The following CELF2 variants were observed in gnomAD, a reference collection of about 807,000 sequenced individuals.
CELF2 encodes the protein CUGBP Elav-like family member 2.
Under a neutral mutation model 62.6 loss-of-function variants are expected in CELF2, and 8 were observed. The observed-to-expected ratio is 0.13, with a 90% confidence interval of 0.07 to 0.23. The LOEUF is 0.23. CELF2 is among the 10% of genes least tolerant of loss of function. The probability of loss-of-function intolerance (pLI) is 1.00; values close to 1 mark genes in which losing one functional copy is unlikely to be tolerated. For synonymous variants in CELF2, 258 were observed against 250.0 expected (o/e 1.03, Z -0.30); for missense variants, 333 against 671.0 (o/e 0.50, Z 5.56).
intron 2 of CELF2, among the ~76,000 whole-genome samples, chr10:11,182,717 C>T (rs1362218865): frequency 6.6e-6 from 1 of 152,180 alleles, no homozygotes; most frequent in Non-Finnish European, 1.5e-5. Flanking sequence ...AGACATTCTG[C>T]CAGCATACAG....
intron 9 of CELF2, among the ~76,000 whole-genome samples, chr10:11,301,517 A>AC (rs1366545495): frequency 3.1e-5 from 2 of 64,818 alleles, no homozygotes; most frequent in Non-Finnish European, 5.7e-5. Flanking sequence ...CTCCCACAGC[A>AC]CCCCCCACCC....
chr10:10,967,935 C>T (rs1336202897), intron 2 of CELF2, among the ~76,000 whole-genome samples: 1 of 152,080 alleles, frequency 6.6e-6, no homozygotes, highest in African/African-American at 2.4e-5. Context: ...CACACACACA[C>T]ACACCCCATT....
chr10:11,054,220 T>A (rs1446630978), intron 1 of CELF2, among the ~76,000 whole-genome samples: 2 of 152,206 alleles, frequency 1.3e-5, no homozygotes, highest in East Asian at 3.8e-4. Context: ...GTTTGTATAG[T>A]GGTAATTACA....
At chr10:10,607,914 G>T in the CELF2 span, among the ~76,000 whole-genome samples, 2 of 151,990 alleles carry the variant, frequency 1.3e-5, no homozygotes, top group African/African-American at 2.4e-5. Flanking sequence ...ATCACCTGAG[G>T]TCAGGAGTTT....
chr10:10,906,089 A>G (rs1444309934), intron 1 of CELF2, among the ~76,000 whole-genome samples: 1 of 151,986 alleles, frequency 6.6e-6, no homozygotes, highest in East Asian at 1.9e-4. Context: ...TAAAAATAAA[A>G]ATAAAAAAAT....
intron 1 of CELF2, among the ~76,000 whole-genome samples, chr10:10,830,066 C>A (rs892452869): frequency 2.0e-5 from 3 of 150,798 alleles, no homozygotes; most frequent in African/African-American, 7.3e-5. Flanking sequence ...ATGAGTGTAT[C>A]CGTGTAGAAA....
intron 1 of CELF2, among the ~76,000 whole-genome samples, chr10:11,146,197 G>A (rs1044304259): frequency 2.6e-5 from 4 of 152,132 alleles, no homozygotes; most frequent in African/African-American, 9.7e-5. Context: ...CAAATATTTT[G>A]TAGTATTTTA....
chr10:11,057,782 T>C (rs1196423065), intron 1 of CELF2, among the ~76,000 whole-genome samples: 1 of 152,240 alleles, frequency 6.6e-6, no homozygotes, highest in African/African-American at 2.4e-5. Flanking sequence ...TGTTTCTCCA[T>C]ACCCCAGCAT....
chr10:10,944,465 AT>A (rs1254257955), intron 2 of CELF2: 2 of 152,408 alleles, frequency 1.3e-5, no homozygotes, highest in Non-Finnish European at 2.9e-5. Flanking sequence ...GGTGGAGTGG[AT>A]TTGAAATGAG....
chr10:10,666,637 C>T, the CELF2 span, among the ~76,000 whole-genome samples: 4 of 133,578 alleles, frequency 3.0e-5, no homozygotes, highest in African/African-American at 1.2e-4. Context: ...CCGAGGCGGG[C>T]GGATCACGAG....
At chr10:10,887,040 C>G (rs2061797059) in intron 1 of CELF2, among the ~76,000 whole-genome samples, 1 of 152,152 alleles carries the variant, frequency 6.6e-6, no homozygotes, top group South Asian at 2.1e-4. Context: ...CCTTGGCAGT[C>G]TCTCATGCAT....
At chr10:10,923,998 T>G (rs1226257790) in intron 2 of CELF2, 1 of 152,126 alleles carries the variant, frequency 6.6e-6, no homozygotes, top group Non-Finnish European at 1.5e-5. Context: ...GGTAGATGTG[T>G]TTTAAATAAA....
the CELF2 span, among the ~76,000 whole-genome samples, chr10:10,597,600 A>G: frequency 6.6e-6 from 1 of 152,256 alleles, no homozygotes; most frequent in Non-Finnish European, 1.5e-5. Flanking sequence ...AATTATAATT[A>G]ACTTTAAAGG....
At chr10:10,596,975 A>C in the CELF2 span, among the ~76,000 whole-genome samples, 1 of 152,200 alleles carries the variant, frequency 6.6e-6, no homozygotes, top group African/African-American at 2.4e-5. Flanking sequence ...AGGGTCACTC[A>C]AGAGACCAAC....
At chr10:11,278,885 A>T (rs1027315722) in intron 8 of CELF2, among the ~76,000 whole-genome samples, 4 of 152,208 alleles carry the variant, frequency 2.6e-5, no homozygotes, top group Admixed American at 2.0e-4. Flanking sequence ...AGATGAGCAG[A>T]CTTGTCCAAA....
chr10:11,034,165 A>G (rs932795225), intron 1 of CELF2, among the ~76,000 whole-genome samples: 3 of 152,108 alleles, frequency 2.0e-5, no homozygotes, highest in Non-Finnish European at 4.4e-5. Context: ...CTTTGCCTGT[A>G]TTTTCTTGAA....
At chr10:10,864,104 A>T (rs1441507293) in intron 1 of CELF2, among the ~76,000 whole-genome samples, 1 of 152,216 alleles carries the variant, frequency 6.6e-6, no homozygotes, top group Non-Finnish European at 1.5e-5. Flanking sequence ...ATAAGGGCTT[A>T]GTCAAAATGC....
chr10:10,778,544 T>C, the CELF2 span, among the ~76,000 whole-genome samples: 3 of 152,182 alleles, frequency 2.0e-5, no homozygotes, highest in Non-Finnish European at 4.4e-5. Flanking sequence ...TTCTTATAGT[T>C]GAGAGTTGTG....
intron 2 of CELF2, chr10:10,946,991 G>T (rs987673794): frequency 2.0e-5 from 3 of 152,362 alleles, no homozygotes; most frequent in Non-Finnish European, 2.9e-5. Flanking sequence ...GTGAGGAGTT[G>T]TTGCATTAAG....
Sources: gnomAD v4.1 joint callset for allele counts (sites outside exome capture counted in the v4.1 genomes callset) on GRCh38, gnomAD v4.1.1 for gene constraint, MANE v1.5 for transcripts, NCBI Gene and HGNC (gene_info 2026-07-23, HGNC 2026-07-21) for gene names.